Variants in HOXA3 observed in about 807,000 individuals in gnomAD.
HOXA3 encodes the protein homeobox A3.
HOXA3 carries 8 observed loss-of-function variants against 30.3 expected under a neutral mutation model. The ratio of observed to expected loss-of-function variants is 0.26; its 90% confidence interval spans 0.15 to 0.48. The LOEUF is 0.48. Among genes scored for constraint, HOXA3 ranks in the 20% least tolerant of loss-of-function variants. The pLI is 0.99. For missense variants in HOXA3, 653 were observed against 614.4 expected, an observed-to-expected ratio of 1.06 and a Z score of -0.66; for synonymous variants, 323 against 273.1, an observed-to-expected ratio of 1.18 and a Z score of -1.80.
intron 2 of HOXA3, chr7:27,130,572 C>A: frequency 6.9e-7 from 1 of 1,446,190 alleles, no homozygotes; most frequent in Non-Finnish European, 9.1e-7. Context: ...GCTGCTGCAG[C>A]GGCAGGTGCT....
At chr7:27,123,329 G>A (rs1785131458) in intron 3 of HOXA3, 1 of 152,276 alleles carries the variant, frequency 6.6e-6, no homozygotes, top group Non-Finnish European at 1.5e-5. Context: ...GACGCCGGCT[G>A]GTACAATACC....
intron 2 of HOXA3, among the ~76,000 whole-genome samples, chr7:27,139,780 T>G (rs1782470297): frequency 6.6e-6 from 1 of 152,122 alleles, no homozygotes; most frequent in African/African-American, 2.4e-5. Flanking sequence ...CACAGGCCCA[T>G]TCGCACACAA....
At position 27,137,279 on chromosome 7, in the gene HOXA3, A is replaced by G. The variant is rs995033327; in HGVS notation, c.-390+2804T>C. Among the ~76,000 whole-genome samples, 4 of 152,234 alleles carry G rather than the reference A, an allele frequency of 2.6e-5. No individual in the cohort carries two copies. The East Asian group carries it at 7.7e-4, about 29-fold the overall frequency. On this transcript the variant is annotated intron_variant, in intron 2 of 5. Coordinates refer to ENST00000612286, the MANE Select transcript of HOXA3 (RefSeq NM_153631.3). ...AGAGCAGGAGAAAGGGAATCTTGGC[A>G]TAATGTTGTGAAATTAGACCATGGA... is the stretch of plus-strand genomic sequence containing the variant.
chr7:27,151,609 C>T, intron 1 of HOXA3: 1 of 456,748 alleles, frequency 2.2e-6, no homozygotes, highest in Non-Finnish European at 4.4e-6. Context: ...CCTCCCAGCG[C>T]TTCAGACACC....
chr7:27,112,300 G>A (rs1784422502), intron 4 of HOXA3, among the ~76,000 whole-genome samples: 1 of 151,924 alleles, frequency 6.6e-6, no homozygotes, highest in South Asian at 2.1e-4. Flanking sequence ...AGTTATTCAA[G>A]TTTTCCAGGA....
intron 4 of HOXA3, among the ~76,000 whole-genome samples, chr7:27,112,349 G>A (rs955795093): frequency 6.6e-6 from 1 of 152,172 alleles, no homozygotes; most frequent in Non-Finnish European, 1.5e-5. Flanking sequence ...AAAAGATAAT[G>A]TATTGCATCT....
chr7:27,151,910 A>G (rs1233348994), intron 1 of HOXA3, among the ~76,000 whole-genome samples: 1 of 152,132 alleles, frequency 6.6e-6, no homozygotes, highest in Non-Finnish European at 1.5e-5. Flanking sequence ...CTGGCGGGGA[A>G]CACAGTGTGC....
intron 4 of HOXA3, among the ~76,000 whole-genome samples, chr7:27,114,863 A>ATATATAATATATATT (rs1784619539): frequency 5.9e-4 from 19 of 32,090 alleles, no homozygotes; most frequent in East Asian, 2.6e-3. Flanking sequence ...TTATATATAT[A>ATATATAATATATATT]ATATATATTA....
intron 1 of HOXA3, 56 bp downstream of exon 1, chr7:27,152,232 C>T: frequency 8.5e-7 from 1 of 1,181,802 alleles, no homozygotes; most frequent in Non-Finnish European, 1.1e-6. Flanking sequence ...CCACCGCTAC[C>T]GCCGCCGGCT....
rs537725530 is a variant in HOXA3, at chr7:27,110,764, G to T, written c.-120-4C>A. 4 of 1,490,768 alleles carry T rather than the reference G, an allele frequency of 2.7e-6. No homozygotes were observed. The highest frequency in any genetic ancestry group is 1.4e-5 in the African/African-American group (1 of 73,000). 92.3% of individuals were successfully genotyped at this position (1,490,768 alleles called of 1,614,324 possible). A position where few individuals can be genotyped will look rare whatever the true frequency, so the allele number is the denominator to read the frequency against. Reference sequence around the variant, plus strand: ...CCAATGGCCGCCCCGCGCAGACCTGGTGGGGCGAGAAGCGCAGCGCGGTGA... The same window carrying T: ...CCAATGGCCGCCCCGCGCAGACCTGTTGGGGCGAGAAGCGCAGCGCGGTGA... On this transcript the variant is annotated splice_polypyrimidine_tract_variant and splice_region_variant and intron_variant, in intron 4 of 5. Coordinates refer to ENST00000612286, the MANE Select transcript of HOXA3 (RefSeq NM_153631.3).
intron 1 of HOXA3, chr7:27,145,457 GTTTTGTTTTGT>G (rs1163412691): frequency 4.7e-6 from 1 of 214,186 alleles, no homozygotes; most frequent in Non-Finnish European, 7.5e-6. Flanking sequence ...GTTTTGTTTT[GTTTTGTTTTGT>G]TTTGTTTTGT....
At chr7:27,143,953 G>T (rs1210057853) in intron 1 of HOXA3, among the ~76,000 whole-genome samples, 1 of 152,200 alleles carries the variant, frequency 6.6e-6, no homozygotes, top group African/African-American at 2.4e-5. Flanking sequence ...CCCAGCTTCC[G>T]ACCGGGGGCT....
chr7:27,142,266 T>G (rs1157541239), intron 1 of HOXA3, among the ~76,000 whole-genome samples: 2 of 152,204 alleles, frequency 1.3e-5, no homozygotes, highest in Non-Finnish European at 2.9e-5. Context: ...ACAATACGAT[T>G]TGGACCCTGG....
rs1406641986 is a variant in HOXA3 at position 27,114,870 on chromosome 7, A to G, written c.-120-4110T>C. On this transcript the variant is annotated intron_variant, in intron 4 of 5. Coordinates refer to ENST00000612286, the MANE Select transcript of HOXA3 (RefSeq NM_153631.3). ...AATATATATTATATATATAATATAT[A>G]TTATATATATGTATATACATATTTT... 3.5e-5 allele frequency among the ~76,000 whole-genome samples: 4 copies of G among 115,172 alleles called. 1 individual carries two copies. The highest frequency in any genetic ancestry group is 7.0e-5 in the Non-Finnish European group (4 of 56,958). The allele number at this position is 115,172 out of a possible 152,430, so 75.6% of individuals were successfully genotyped here. A position where few individuals can be genotyped will look rare whatever the true frequency, so the allele number is the denominator to read the frequency against.
intron 2 of HOXA3, chr7:27,129,993 C>T: frequency 8.7e-7 from 1 of 1,152,448 alleles, no homozygotes; most frequent in Non-Finnish European, 1.2e-6. Flanking sequence ...TCACCGCAGC[C>T]CGGGTCAGAT....
At chr7:27,130,399 C>A in intron 2 of HOXA3, 7 of 1,162,028 alleles carry the variant, frequency 6.0e-6, no homozygotes, top group Non-Finnish European at 4.2e-6. Flanking sequence ...CTGGGGCGGC[C>A]GCCCGGGGCT....
chr7:27,151,052 C>A (rs1782956176), intron 1 of HOXA3: 1 of 152,336 alleles, frequency 6.6e-6, no homozygotes, highest in South Asian at 2.1e-4. Context: ...AGGCGGCGGA[C>A]CTAGGATGCA....
intron 2 of HOXA3, chr7:27,130,589 G>C (rs1372032008): frequency 1.3e-6 from 2 of 1,517,954 alleles, no homozygotes; most frequent in Non-Finnish European, 1.8e-6. Flanking sequence ...TGCTGGGTCG[G>C]GGGCGCTGGG....
intron 3 of HOXA3, chr7:27,123,020 G>T (rs909484591): frequency 6.6e-6 from 1 of 152,140 alleles, no homozygotes; most frequent in African/African-American, 2.4e-5. Context: ...TCTCTCCTCA[G>T]GCACCACAAC....
Sources: gnomAD v4.1 joint callset for allele counts (sites outside exome capture counted in the v4.1 genomes callset) on GRCh38, gnomAD v4.1.1 for gene constraint, MANE v1.5 for transcripts, NCBI Gene and HGNC (gene_info 2026-07-23, HGNC 2026-07-21) for gene names.